The following DLGAP1 variants were observed in gnomAD, a reference collection of about 807,000 sequenced individuals.
The protein encoded by DLGAP1 is disks large-associated protein 1.
In DLGAP1, 11 loss-of-function variants were observed where a neutral mutation model predicts 90.8. The ratio of observed to expected loss-of-function variants is 0.12; its 90% CI spans 0.08 to 0.20. The LOEUF is 0.20. DLGAP1 is among the 10% of genes least tolerant of loss of function. The probability of loss-of-function intolerance (pLI) is 1.00; values close to 1 mark genes in which losing one functional copy is unlikely to be tolerated. For synonymous variants in DLGAP1, 558 were observed against 540.7 expected (o/e 1.03, Z -0.44); for missense variants, 1,050 against 1,333.8 (o/e 0.79, Z 3.31).
rs183491144 is a variant in DLGAP1, at chr18:4,086,646, G to A, written c.-159+64534C>T. On this transcript the variant is annotated intron_variant, in intron 2 of 12. Transcript: ENST00000315677. ...TTTTAATCCGATTTAATTCCATCGT[G>A]GTCTGAGACTATACCTTGTATGTTT... is the stretch of plus-strand genomic sequence containing the variant. Among the ~76,000 whole-genome samples the A allele has an allele frequency of 1.1e-4, 16 of 151,630 alleles. No individual in the cohort carries two copies. The East Asian group carries it at 2.5e-3, about 24-fold the overall frequency.
intron 1 of DLGAP1, among the ~76,000 whole-genome samples, chr18:4,447,318 T>C (rs1313461724): frequency 6.6e-6 from 1 of 152,034 alleles, no homozygotes; most frequent in Non-Finnish European, 1.5e-5. Flanking sequence ...TCAGTAAAAA[T>C]GAATAAATCA....
chr18:4,306,156 C>T (rs770668743), intron 1 of DLGAP1, among the ~76,000 whole-genome samples: 1 of 150,892 alleles, frequency 6.6e-6, no homozygotes, highest in Non-Finnish European at 1.5e-5. Flanking sequence ...TGGTGGATAA[C>T]GAATGACTGC....
intron 2 of DLGAP1, among the ~76,000 whole-genome samples, chr18:4,140,822 A>G (rs1353714765): frequency 6.6e-6 from 1 of 151,892 alleles, no homozygotes; most frequent in Non-Finnish European, 1.5e-5. Flanking sequence ...TAGAATAAAA[A>G]TATTTTTCCT....
chr18:3,823,097 T>C (rs185914092), intron 4 of DLGAP1, among the ~76,000 whole-genome samples: 1 of 152,366 alleles, frequency 6.6e-6, no homozygotes, highest in Non-Finnish European at 1.5e-5. Context: ...CTTCTGGTTC[T>C]TGTAGCCAAG....
At chr18:3,834,103 C>G (rs1268507154) in intron 4 of DLGAP1, among the ~76,000 whole-genome samples, 1 of 151,774 alleles carries the variant, frequency 6.6e-6, no homozygotes, top group Non-Finnish European at 1.5e-5. Context: ...TCAGGAGATC[C>G]AGACTATCCT....
intron 5 of DLGAP1, among the ~76,000 whole-genome samples, chr18:3,744,706 C>T (rs368819934): frequency 1.4e-4 from 22 of 152,148 alleles, no homozygotes; most frequent in Non-Finnish European, 2.9e-4. Context: ...CCACCGCGGC[C>T]GGCTAATTTT....
intron 1 of DLGAP1, among the ~76,000 whole-genome samples, chr18:4,452,252 A>G (rs2083852886): frequency 6.6e-6 from 1 of 152,142 alleles, no homozygotes; most frequent in African/African-American, 2.4e-5. Flanking sequence ...TACACATTAG[A>G]TAACATTTTA....
At chr18:3,580,843 C>A (rs2055458537) in intron 8 of DLGAP1, 13 of 1,389,904 alleles carry the variant, frequency 9.4e-6, no homozygotes, top group Middle Eastern at 4.4e-4. Flanking sequence ...ATAAAAGGCT[C>A]TGCCCCCGGG....
intron 5 of DLGAP1, among the ~76,000 whole-genome samples, chr18:3,778,268 C>A (rs1325390933): frequency 6.6e-6 from 1 of 152,012 alleles, no homozygotes; most frequent in African/African-American, 2.4e-5. Flanking sequence ...TGGTGAAACA[C>A]CGTTTCTACT....
At position 3,582,019 on chromosome 18, in the gene DLGAP1, G is replaced by A. The variant is rs151268879; in HGVS notation, c.1821C>T (p.Asn607=). ...KALTAAIEAA[N]AQIHGPASQH... The stretch of plus-strand genomic sequence containing the variant: ...GACTGGCAGGGCCATGGATCTGGGC[G>A]TTTGCAGCTTCGATGGCGGCTGTCA... Residue 607 remains asparagine, a synonymous_variant, in exon 8 of 13, where the codon AAC becomes AAT. Transcript: ENST00000315677. 70 of 1,613,566 alleles carry A rather than the reference G, an allele frequency of 4.3e-5. No individual in the cohort carries two copies. The highest frequency in any genetic ancestry group is 3.3e-4 in the Middle Eastern group (2 of 6,062).
At chr18:3,684,351 G>A (rs378983) in intron 7 of DLGAP1, among the ~76,000 whole-genome samples, 61,966 of 145,926 alleles carry the variant, frequency 0.42, 14,331 homozygotes, top group African/African-American at 0.61. Context: ...CACCATGCCT[G>A]GCTAATTTTT....
At position 4,237,190 on chromosome 18, in the gene DLGAP1, G is replaced by A. The variant is rs1007945985; in HGVS notation, c.-266-85903C>T. ...TAATTACCACGCTATCTGAAGCTTC[G>A]GTCCTTGCCTATTTGTGATCTGAAG... On this transcript the variant is annotated intron_variant, in intron 1 of 12. Transcript: ENST00000315677. 4.4e-4 allele frequency among the ~76,000 whole-genome samples: 67 copies of A among 152,182 alleles called. 1 individual carries two copies. The highest frequency in any genetic ancestry group is 1.5e-3 in the African/African-American group (64 of 41,548).
At chr18:4,209,224 G>A (rs567641581) in intron 1 of DLGAP1, among the ~76,000 whole-genome samples, 3 of 152,230 alleles carry the variant, frequency 2.0e-5, no homozygotes, top group Non-Finnish European at 2.9e-5. Flanking sequence ...GGGTTATGGC[G>A]GTGGTGATTC....
intron 5 of DLGAP1, among the ~76,000 whole-genome samples, chr18:3,772,172 CCTTT>C (rs1555662578): frequency 1.4e-5 from 2 of 145,316 alleles, no homozygotes; most frequent in East Asian, 2.0e-4. Flanking sequence ...TTCTCTCCTT[CCTTT>C]CTCTCCTTCC....
At chr18:3,509,389 T>C (rs1294813317) in intron 10 of DLGAP1, among the ~76,000 whole-genome samples, 1 of 152,200 alleles carries the variant, frequency 6.6e-6, no homozygotes. Flanking sequence ...GGCTACTTCT[T>C]GTCTCCCCAG....
intron 1 of DLGAP1, among the ~76,000 whole-genome samples, chr18:4,403,026 A>G (rs2082589118): frequency 6.6e-6 from 1 of 152,216 alleles, no homozygotes; most frequent in Non-Finnish European, 1.5e-5. Context: ...CTAGGTTTAA[A>G]GATATTCTTA....
chr18:3,742,987 T>TTCCTTCCA (rs2063122814), intron 5 of DLGAP1, among the ~76,000 whole-genome samples: 1 of 147,300 alleles, frequency 6.8e-6, no homozygotes, highest in Admixed American at 6.7e-5. Context: ...CCTTCCTTCC[T>TTCCTTCCA]TCCTTCCATC....
intron 9 of DLGAP1, among the ~76,000 whole-genome samples, chr18:3,548,598 T>C (rs1334870200): frequency 1.3e-5 from 2 of 152,020 alleles, no homozygotes; most frequent in African/African-American, 4.8e-5. Flanking sequence ...GAAACCCCGT[T>C]TCTACAAAAA....
At chr18:4,269,401 T>C (rs2079210386) in intron 1 of DLGAP1, among the ~76,000 whole-genome samples, 2 of 149,432 alleles carry the variant, frequency 1.3e-5, no homozygotes, top group African/African-American at 4.9e-5. Context: ...TCGCCCAGGC[T>C]GGAGTGCAGT....
Sources: gnomAD v4.1 joint callset for allele counts (sites outside exome capture counted in the v4.1 genomes callset) on GRCh38, gnomAD v4.1.1 for gene constraint, MANE v1.5 for transcripts, NCBI Gene and HGNC (gene_info 2026-07-23, HGNC 2026-07-21) for gene names.